ABL1: variants seen among roughly 807,000 people sequenced by gnomAD.
ABL1 encodes the protein tyrosine-protein kinase ABL1.
ABL1 carries 11 observed loss-of-function variants against 94.7 expected under a neutral mutation model. The ratio of observed to expected loss-of-function variants is 0.12; its 90% CI spans 0.07 to 0.19. The LOEUF (loss-of-function observed/expected upper bound fraction) is 0.19, where lower values mean the gene tolerates loss of function less well. ABL1 is among the 10% of genes least tolerant of loss of function. ABL1 has a pLI of 1.00. For missense variants in ABL1, 1,082 were observed against 1,489.4 expected (o/e 0.73, Z 4.50); for synonymous variants, 656 against 622.4 (o/e 1.05, Z -0.80).
chr9:130,784,845 G>T (rs1829805490), intron 1 of ABL1, among the ~76,000 whole-genome samples: 1 of 152,184 alleles, frequency 6.6e-6, no homozygotes. Flanking sequence ...AAACCGAGAT[G>T]CTTCCCCTGC....
chr9:130,752,332 C>G (rs754750575), intron 1 of ABL1, among the ~76,000 whole-genome samples: 2 of 152,234 alleles, frequency 1.3e-5, no homozygotes, highest in Middle Eastern at 6.8e-3. Flanking sequence ...TCTGAGGATA[C>G]TTTTATGGAG....
intron 1 of ABL1, among the ~76,000 whole-genome samples, chr9:130,724,611 AC>A (rs1831555164): frequency 1.3e-5 from 2 of 151,870 alleles, no homozygotes; most frequent in Non-Finnish European, 2.9e-5. Context: ...GGAGTTTGAG[AC>A]CAGCCTGGCC....
In ABL1 at chr9:130,771,752, C is replaced by T. The variant is rs1006036441; in HGVS notation, c.136+57297C>T. 1.7e-4 allele frequency among the ~76,000 whole-genome samples: 18 copies of T among 106,902 alleles called. No homozygotes were observed. The South Asian group carries it at 5.5e-3, about 33-fold the overall frequency. 70.1% of individuals were successfully genotyped at this position (106,902 alleles called of 152,430 possible). On this transcript the variant is annotated intron_variant, in intron 1 of 10. Transcript: ENST00000372348. ...TGACTTTTTCTTTCTTTCTTTCTTT[C>T]TTTTTTTTTTTTTTTTTTTGAGACA...
intron 1 of ABL1, among the ~76,000 whole-genome samples, chr9:130,755,288 G>A (rs1832028410): frequency 6.6e-6 from 1 of 152,176 alleles, no homozygotes; most frequent in Admixed American, 6.5e-5. Context: ...TTGGATGTGG[G>A]ATTGGTCAGA....
intron 1 of ABL1, among the ~76,000 whole-genome samples, chr9:130,780,293 G>A (rs576017171): frequency 7.9e-5 from 12 of 152,160 alleles, no homozygotes; most frequent in Admixed American, 7.9e-4. Context: ...TCTCAAAAAA[G>A]AAATTGAACA....
In ABL1 at chr9:130,886,481, A is replaced by G; in HGVS notation, c.*798A>G. 1 of 233,490 alleles carries G rather than the reference A, an allele frequency of 4.3e-6. No individual in the cohort carries two copies. The highest frequency in any genetic ancestry group is 8.5e-6 in the Non-Finnish European group (1 of 118,000). The allele number at this position is 233,490 out of a possible 1,614,324, so 14.5% of individuals were successfully genotyped here. A position where few individuals can be genotyped will look rare whatever the true frequency, so the allele number is the denominator to read the frequency against. ...TCCTGGCAAGAAAGCTTGAGTCTCA[A>G]GGGTGGCAGGTCACTGTCACTGCCG... On this transcript the variant is annotated 3_prime_UTR_variant, in exon 11 of 11. Coordinates refer to ENST00000318560, the MANE Select transcript of ABL1 (RefSeq NM_005157.6).
intron 1 of ABL1, among the ~76,000 whole-genome samples, chr9:130,798,092 T>A (rs1315321676): frequency 2.6e-5 from 4 of 152,262 alleles, no homozygotes; most frequent in Non-Finnish European, 5.9e-5. Flanking sequence ...TGATTGAAAT[T>A]GTTTTTATTA....
intron 1 of ABL1, among the ~76,000 whole-genome samples, chr9:130,809,040 T>G (rs1830168714): frequency 6.6e-6 from 1 of 152,072 alleles, no homozygotes; most frequent in African/African-American, 2.4e-5. Flanking sequence ...GCCCCAGCAG[T>G]CTCTCCTCAT....
intron 1 of ABL1, among the ~76,000 whole-genome samples, chr9:130,718,556 AT>A (rs1404155829): frequency 6.6e-6 from 1 of 152,110 alleles, no homozygotes; most frequent in African/African-American, 2.4e-5. Flanking sequence ...GCCTTCGGTT[AT>A]TTTTCAAGAG....
At chr9:130,853,711 G>T (rs575649346) in intron 1 of ABL1, among the ~76,000 whole-genome samples, 4 of 152,162 alleles carry the variant, frequency 2.6e-5, no homozygotes, top group African/African-American at 9.7e-5. Flanking sequence ...CACCATGCCC[G>T]GCTAAAGCAA....
intron 1 of ABL1, among the ~76,000 whole-genome samples, chr9:130,769,329 C>CT (rs372838676): frequency 0.013 from 1,101 of 84,298 alleles, 67 homozygotes; most frequent in South Asian, 0.071. Flanking sequence ...TGGCCCTAGT[C>CT]TTTTTTTTTT....
intron 4 of ABL1, among the ~76,000 whole-genome samples, chr9:130,870,374 AATG>A (rs1831232699): frequency 6.6e-6 from 1 of 152,158 alleles, no homozygotes; most frequent in African/African-American, 2.4e-5. Flanking sequence ...ATATTTATGA[AATG>A]ATTTCATTGT....
At chr9:130,714,023 TGAAAA>T in exon 1 of ABL1, 1 of 300,114 alleles carries the variant, frequency 3.3e-6, no homozygotes, top group South Asian at 1.1e-4. Context: ...TTTTTCTTCT[TGAAAA>T]GAAATTGTTA....
chr9:130,775,707 A>G (rs1832302912), intron 1 of ABL1, among the ~76,000 whole-genome samples: 1 of 152,118 alleles, frequency 6.6e-6, no homozygotes, highest in Admixed American at 6.5e-5. Context: ...AAAAACAAGA[A>G]TCTTTAGATT....
In ABL1 at chr9:130,835,757, C is replaced by CTT. The variant is rs1043701929; in HGVS notation, c.79+233_79+234insTT. On this transcript the variant is annotated intron_variant, in intron 1 of 10. Coordinates refer to ENST00000318560, the MANE Select transcript of ABL1 (RefSeq NM_005157.6). This position sits in a 1 kb window ranked among gnomAD's most constrained non-coding sequence, Gnocchi z 4.6. ...TCTTCTCTTGTCTCTCTCTTTTTCT[C>CTT]TCTCTCTGTCTCTTTCTCTTTCTCG... Among the ~76,000 whole-genome samples the CTT allele has an allele frequency of 2.1e-4, 32 of 149,436 alleles. No individual in the cohort carries two copies. The highest frequency in any genetic ancestry group is 4.4e-4 in the African/African-American group (18 of 41,154).
At chr9:130,828,186 C>A (rs535907842) in intron 1 of ABL1, among the ~76,000 whole-genome samples, 1 of 152,030 alleles carries the variant, frequency 6.6e-6, no homozygotes, top group South Asian at 2.1e-4. Context: ...CCTCAGCCCC[C>A]CAAGCAACTG....
rs35372535 is a variant in ABL1 at position 130,763,570 on chromosome 9, G to T, written c.136+49115G>T. 8.3e-3 allele frequency among the ~76,000 whole-genome samples: 1,260 copies of T among 152,254 alleles called. 14 individuals are homozygous for T. Among genetic ancestry groups the T allele is most frequent in the African/African-American group, 0.028 (1,172 of 41,532 alleles). On this transcript the variant is annotated intron_variant, in intron 1 of 10. Coordinates refer to the ABL1 transcript ENST00000372348. ...TTCAGAGTCATTTGAAGGCTTAACTGGGGCTGGCAGGCCTGCCTCCAAGAT... is the reference window on the plus strand; with the variant it reads ...TTCAGAGTCATTTGAAGGCTTAACTTGGGCTGGCAGGCCTGCCTCCAAGAT...
chr9:130,877,087 A>G (rs772118530), intron 7 of ABL1, among the ~76,000 whole-genome samples: 6 of 148,084 alleles, frequency 4.1e-5, no homozygotes, highest in Non-Finnish European at 8.9e-5. Context: ...TCAGATTTAT[A>G]TATATCTGAT....
intron 1 of ABL1, among the ~76,000 whole-genome samples, chr9:130,846,108 T>C (rs976650678): frequency 3.6e-4 from 52 of 145,844 alleles, no homozygotes; most frequent in East Asian, 2.5e-3. Flanking sequence ...TGTGTGTGTG[T>C]GCTTGTGTGT....
Sources: gnomAD v4.1 joint callset for allele counts (sites outside exome capture counted in the v4.1 genomes callset) on GRCh38, gnomAD v4.1.1 for gene constraint, Gnocchi (gnomAD v3.1) non-coding constraint, MANE v1.5 for transcripts, NCBI Gene and HGNC (gene_info 2026-07-23, HGNC 2026-07-21) for gene names.